The following ALK variants were observed in gnomAD, a reference collection of about 807,000 sequenced individuals.
ALK encodes ALK tyrosine kinase receptor.
ALK carries 74 observed loss-of-function variants against 163.1 expected under a neutral mutation model. The ratio of observed to expected loss-of-function variants is 0.45; its 90% confidence interval spans 0.38 to 0.55. The LOEUF is 0.55. ALK is among the 20% of genes least tolerant of loss of function. ALK has a pLI of 0.00. For synonymous variants in ALK, 960 were observed against 843.2 expected, an observed-to-expected ratio of 1.14 and a Z score of -2.40; for missense variants, 2,063 against 2,105.3, an observed-to-expected ratio of 0.98 and a Z score of 0.39.
At chr2:29,527,816 G>A (rs1336956972) in intron 4 of ALK, among the ~76,000 whole-genome samples, 2 of 152,136 alleles carry the variant, frequency 1.3e-5, no homozygotes, top group Non-Finnish European at 2.9e-5. Flanking sequence ...TGCCGGGTCT[G>A]AGCCTGCAGT....
intron 9 of ALK, among the ~76,000 whole-genome samples, chr2:29,284,864 T>C (rs1212631890): frequency 6.6e-6 from 1 of 152,234 alleles, no homozygotes; most frequent in African/African-American, 2.4e-5. Context: ...GCCGCATCTC[T>C]TCTCCTCTTC....
chr2:29,648,374 A>G (rs1010375216), intron 3 of ALK, among the ~76,000 whole-genome samples: 1 of 152,074 alleles, frequency 6.6e-6, no homozygotes, highest in Non-Finnish European at 1.5e-5. Context: ...CATTTTACTC[A>G]TTTTTAAGTA....
chr2:29,777,644 G>A (rs1681211434), intron 1 of ALK, among the ~76,000 whole-genome samples: 2 of 152,160 alleles, frequency 1.3e-5, no homozygotes, highest in African/African-American at 2.4e-5. Flanking sequence ...TAAGATGAGG[G>A]ACAGACTGAC....
intron 1 of ALK, among the ~76,000 whole-genome samples, chr2:29,719,842 C>CACAG (rs1679373773): frequency 6.6e-6 from 1 of 152,118 alleles, no homozygotes; most frequent in Admixed American, 6.6e-5. Flanking sequence ...GACACAATGG[C>CACAG]TGAGGTCAGA....
chr2:29,546,159 C>G (rs1490541941), intron 3 of ALK, among the ~76,000 whole-genome samples: 2 of 151,994 alleles, frequency 1.3e-5, no homozygotes, highest in Non-Finnish European at 2.9e-5. Context: ...GATCTCTGAC[C>G]CTGTTAAAAT....
At chr2:29,418,553 C>A (rs888651478) in intron 4 of ALK, among the ~76,000 whole-genome samples, 1 of 152,182 alleles carries the variant, frequency 6.6e-6, no homozygotes, top group African/African-American at 2.4e-5. Context: ...ACCCTCCCAC[C>A]TTTTGGGGTC....
At chr2:29,336,857 A>C (rs763429789) in intron 5 of ALK, among the ~76,000 whole-genome samples, 1 of 152,130 alleles carries the variant, frequency 6.6e-6, no homozygotes, top group Non-Finnish European at 1.5e-5. Flanking sequence ...TTGCCTAACT[A>C]ATGACACTCG....
intron 4 of ALK, among the ~76,000 whole-genome samples, chr2:29,427,037 CA>C (rs70958261): frequency 2.6e-3 from 105 of 40,110 alleles, no homozygotes; most frequent in African/African-American, 0.01. Flanking sequence ...GACTCCGTCT[CA>C]AAAAAAAAAA....
chr2:29,528,001 T>G (rs1158081573), intron 4 of ALK, among the ~76,000 whole-genome samples: 1 of 152,222 alleles, frequency 6.6e-6, no homozygotes, highest in Non-Finnish European at 1.5e-5. Context: ...ACCACCACCC[T>G]CTGGACTGAG....
chr2:29,250,817 C>T (rs904234252), intron 12 of ALK, among the ~76,000 whole-genome samples: 6 of 152,196 alleles, frequency 3.9e-5, no homozygotes, highest in African/African-American at 1.4e-4. Context: ...AACAGGCCAC[C>T]ATAATTATCC....
At chr2:29,917,778 G>T (rs945539484) in intron 1 of ALK, among the ~76,000 whole-genome samples, 12 of 152,252 alleles carry the variant, frequency 7.9e-5, no homozygotes, top group African/African-American at 2.9e-4. Context: ...AGCTCATCCA[G>T]TTACACTTAG....
intron 8 of ALK, among the ~76,000 whole-genome samples, chr2:29,304,054 G>C (rs1351689467): frequency 6.6e-6 from 1 of 152,160 alleles, no homozygotes; most frequent in African/African-American, 2.4e-5. Context: ...AAGCAGTCCA[G>C]AGCCTATGTC....
chr2:29,537,324 G>A (rs1673285265), intron 3 of ALK, among the ~76,000 whole-genome samples: 1 of 152,258 alleles, frequency 6.6e-6, no homozygotes, highest in Admixed American at 6.5e-5. Context: ...GGCCCAGGGT[G>A]CTGTTGCCCT....
intron 4 of ALK, among the ~76,000 whole-genome samples, chr2:29,434,845 T>C (rs567766192): frequency 1.3e-5 from 2 of 152,294 alleles, no homozygotes; most frequent in East Asian, 1.9e-4. Context: ...ATTAGGTCCA[T>C]GGGGAATCCA....
chr2:29,523,759 C>T (rs1288236891), intron 4 of ALK, among the ~76,000 whole-genome samples: 1 of 151,934 alleles, frequency 6.6e-6, no homozygotes, highest in Non-Finnish European at 1.5e-5. Context: ...CATCAAACAT[C>T]CAGGGCAGAG....
chr2:29,212,198 TC>T, intron 24 of ALK, among the ~76,000 whole-genome samples: 1 of 151,780 alleles, frequency 6.6e-6, no homozygotes, highest in Non-Finnish European at 1.5e-5. Context: ...CTCATAGGAG[TC>T]TAGACTTAAA....
rs139940396 is a variant in ALK, at chr2:29,559,397, G to A, written c.953-27281C>T. Among the ~76,000 whole-genome samples, 3 of 152,352 alleles carry A rather than the reference G, an allele frequency of 2.0e-5. No homozygotes were observed. In the South Asian group the frequency reaches 6.2e-4, roughly 32 times the overall value. ...AGCAGCCCCAAACGTCTGCCCAGCAGAGGCGTATGGGCTGAATTCTGCATC... is the reference window on the plus strand; with the variant it reads ...AGCAGCCCCAAACGTCTGCCCAGCAAAGGCGTATGGGCTGAATTCTGCATC... On this transcript the variant is annotated intron_variant, in intron 3 of 28. Coordinates refer to ENST00000389048, the MANE Select transcript of ALK (RefSeq NM_004304.5).
chr2:29,777,248 T>C (rs1558483728), intron 1 of ALK, among the ~76,000 whole-genome samples: 1 of 152,170 alleles, frequency 6.6e-6, no homozygotes, highest in Non-Finnish European at 1.5e-5. Context: ...CAATGTACTA[T>C]TATTTTATTT....
intron 1 of ALK, among the ~76,000 whole-genome samples, chr2:29,742,272 G>T (rs968587485): frequency 6.6e-6 from 1 of 152,350 alleles, no homozygotes; most frequent in Admixed American, 6.5e-5. Flanking sequence ...AGCAGGGCAA[G>T]CACTCTACAT....
Sources: allele counts gnomAD v4.1 joint callset (sites outside exome capture counted in the v4.1 genomes callset), GRCh38; gene constraint gnomAD v4.1.1; transcripts MANE v1.5; gene names NCBI Gene and HGNC (gene_info 2026-07-23, HGNC 2026-07-21).